The following OR51B5 variants were observed in gnomAD, a reference collection of about 807,000 sequenced individuals.
OR51B5 encodes olfactory receptor family 51 subfamily B member 5.
For synonymous variants in OR51B5, 186 were observed against 144.8 expected (o/e 1.28, Z -2.04); for missense variants, 456 against 374.6 (o/e 1.22, Z -1.79).
chr11:5,460,504 T>C (rs947857139), intron 1 of OR51B5, among the ~76,000 whole-genome samples: 2 of 152,228 alleles, frequency 1.3e-5, no homozygotes, highest in African/African-American at 4.8e-5. Context: ...ACTGCTTTCC[T>C]TGAACTGTGT....
intron 1 of OR51B5, among the ~76,000 whole-genome samples, chr11:5,434,091 C>T (rs943904688): frequency 6.6e-6 from 1 of 152,156 alleles, no homozygotes; most frequent in Non-Finnish European, 1.5e-5. Flanking sequence ...ACCTGAAGAA[C>T]TTAAAAATCC....
At chr11:5,422,990 C>T in intron 1 of OR51B5, 1 of 1,614,160 alleles carries the variant, frequency 6.2e-7, no homozygotes, top group Non-Finnish European at 8.5e-7. Flanking sequence ...ATCTATGACT[C>T]ATCGCTTTGC....
At chr11:5,395,182 C>A (rs1232930095) in intron 1 of OR51B5, among the ~76,000 whole-genome samples, 1 of 152,200 alleles carries the variant, frequency 6.6e-6, no homozygotes, top group Non-Finnish European at 1.5e-5. Context: ...CTGCGTCCAT[C>A]TAGGGAGATT....
intron 1 of OR51B5, chr11:5,468,578 CAA>C (rs1265884987): frequency 4.6e-6 from 2 of 437,030 alleles, no homozygotes; most frequent in African/African-American, 2.0e-5. Context: ...ATTGGAGGTA[CAA>C]AGAGACATGA....
intron 1 of OR51B5, chr11:5,441,334 T>C (rs1454396314): frequency 6.2e-7 from 1 of 1,613,778 alleles, no homozygotes; most frequent in African/African-American, 1.3e-5. Flanking sequence ...AAGTAGTACA[T>C]GGGCTGATGC....
intron 1 of OR51B5, among the ~76,000 whole-genome samples, chr11:5,412,060 T>C (rs1850156337): frequency 6.6e-6 from 1 of 152,170 alleles, no homozygotes; most frequent in Non-Finnish European, 1.5e-5. Context: ...TTTGAGGTAA[T>C]TTGCTCTGGT....
intron 1 of OR51B5, among the ~76,000 whole-genome samples, chr11:5,500,190 C>T (rs573727628): frequency 1.3e-5 from 2 of 152,300 alleles, no homozygotes; most frequent in South Asian, 4.1e-4. Flanking sequence ...ATAACTTTTG[C>T]CCTGCTTCTT....
At chr11:5,474,161 A>G (rs1281398410) in intron 1 of OR51B5, among the ~76,000 whole-genome samples, 1 of 152,198 alleles carries the variant, frequency 6.6e-6, no homozygotes, top group East Asian at 1.9e-4. Flanking sequence ...CATATGCATT[A>G]TTTAATATTC....
chr11:5,371,112 A>C (rs1849441682), intron 1 of OR51B5, among the ~76,000 whole-genome samples: 4 of 152,192 alleles, frequency 2.6e-5, no homozygotes, highest in Non-Finnish European at 4.4e-5. Flanking sequence ...GCTATGGACC[A>C]CCATGGATAT....
chr11:5,489,605 C>T (rs140556792), intron 1 of OR51B5: 35 of 1,613,786 alleles, frequency 2.2e-5, no homozygotes, highest in Non-Finnish European at 1.9e-5. Flanking sequence ...GGAGCTAGAA[C>T]CAAGGAGATT....
intron 1 of OR51B5, among the ~76,000 whole-genome samples, chr11:5,380,197 G>A (rs188232161): frequency 2.0e-5 from 3 of 152,286 alleles, no homozygotes; most frequent in South Asian, 2.1e-4. Flanking sequence ...GAAAGAAGGC[G>A]TTTCTGAAAG....
intron 1 of OR51B5, among the ~76,000 whole-genome samples, chr11:5,467,839 T>A (rs2133798777): frequency 1.3e-5 from 2 of 152,206 alleles, no homozygotes; most frequent in East Asian, 3.8e-4. Flanking sequence ...AGGCTTCGAT[T>A]TGGAGTGTTG....
chr11:5,480,534 AC>A lies in OR51B5; in HGVS notation n.84+25034del, dbSNP rs1166004067. On this transcript the variant is annotated intron_variant and non_coding_transcript_variant, in intron 1 of 4. Coordinates refer to the OR51B5 transcript ENST00000415970. ...GAGCAGAACTGAAGGAAATAGAGACACAAAAAACCCTTCAAAAAATCAATGA... is the reference window on the plus strand; with the variant it reads ...GAGCAGAACTGAAGGAAATAGAGACAAAAAAACCCTTCAAAAAATCAATGA... 1.4e-4 allele frequency among the ~76,000 whole-genome samples: 21 copies of A among 151,194 alleles called. 1 individual carries two copies. Among genetic ancestry groups the A allele is most frequent in the African/African-American group, 4.4e-4 (18 of 41,350 alleles).
intron 1 of OR51B5, among the ~76,000 whole-genome samples, chr11:5,451,504 C>T (rs1369908798): frequency 6.6e-6 from 1 of 152,274 alleles, no homozygotes; most frequent in African/African-American, 2.4e-5. Flanking sequence ...CATATGCAGA[C>T]TGAGCTCTAA....
At chr11:5,429,327 G>A (rs1850497898) in intron 1 of OR51B5, among the ~76,000 whole-genome samples, 1 of 152,116 alleles carries the variant, frequency 6.6e-6, no homozygotes, top group Non-Finnish European at 1.5e-5. Flanking sequence ...CTGTGCAGTG[G>A]GCTGGAAGAA....
intron 1 of OR51B5, among the ~76,000 whole-genome samples, chr11:5,397,473 G>C (rs559673323): frequency 1.3e-5 from 2 of 151,758 alleles, no homozygotes; most frequent in Non-Finnish European, 2.9e-5. Context: ...CTGGCCATCA[G>C]AGAAATGCAA....
chr11:5,487,790 G>T (rs1359305391), intron 1 of OR51B5, among the ~76,000 whole-genome samples: 2 of 152,130 alleles, frequency 1.3e-5, no homozygotes, highest in African/African-American at 4.8e-5. Flanking sequence ...TGGATTGGAG[G>T]ACTATACGCT....
At chr11:5,387,376 T>A (rs576119658) in intron 1 of OR51B5, among the ~76,000 whole-genome samples, 1 of 152,262 alleles carries the variant, frequency 6.6e-6, no homozygotes, top group South Asian at 2.1e-4. Context: ...TTTAGCTAAG[T>A]GGGTTTTAAA....
intron 1 of OR51B5, among the ~76,000 whole-genome samples, chr11:5,393,794 G>A (rs1192012374): frequency 1.3e-5 from 2 of 152,030 alleles, no homozygotes; most frequent in Non-Finnish European, 2.9e-5. Flanking sequence ...GGCTCACAGA[G>A]GAAAGCAACT....
Sources: allele counts gnomAD v4.1 joint callset (sites outside exome capture counted in the v4.1 genomes callset), GRCh38; gene constraint gnomAD v4.1.1; transcripts MANE v1.5; gene names NCBI Gene and HGNC (gene_info 2026-07-23, HGNC 2026-07-21).